The following CREB5 variants were observed in gnomAD, a reference collection of about 807,000 sequenced individuals.
CREB5 encodes the protein cyclic AMP-responsive element-binding protein 5.
A neutral mutation model predicts 57.1 loss-of-function variants in CREB5; 19 were observed. The ratio of observed to expected loss-of-function variants is 0.33; its 90% CI spans 0.23 to 0.49. The LOEUF (loss-of-function observed/expected upper bound fraction) is 0.49, where lower values mean the gene tolerates loss of function less well. Ranked by LOEUF, CREB5 falls within the 20% of genes least tolerant of loss-of-function variation. The pLI, the probability that CREB5 is intolerant of heterozygous loss-of-function variation, is 0.99. For synonymous variants in CREB5, 238 were observed against 238.3 expected (o/e 1.00, Z 0.01); for missense variants, 579 against 671.6 (o/e 0.86, Z 1.52).
At chr7:28,623,884 TGGG>T (rs996890092) in intron 5 of CREB5, among the ~76,000 whole-genome samples, 1 of 152,104 alleles carries the variant, frequency 6.6e-6, no homozygotes, top group African/African-American at 2.4e-5. Flanking sequence ...TTCATAAAGA[TGGG>T]GGGAGATTGT....
chr7:28,697,449 G>C (rs1466941601), intron 5 of CREB5, among the ~76,000 whole-genome samples: 2 of 152,052 alleles, frequency 1.3e-5, no homozygotes, highest in South Asian at 2.1e-4. Flanking sequence ...TTGTGGAAAA[G>C]CCCATTATGG....
At chr7:28,425,802 G>C (rs985445779) in intron 1 of CREB5, among the ~76,000 whole-genome samples, 13 of 152,102 alleles carry the variant, frequency 8.5e-5, no homozygotes, top group Middle Eastern at 3.2e-3. Flanking sequence ...CTCTCTCCTT[G>C]GCAATGGCCT....
In CREB5 at chr7:28,823,209, GTGTT is replaced by G. The variant is rs1012078243; in HGVS notation, c.*3932_*3935del. On this transcript the variant is annotated 3_prime_UTR_variant, in exon 11 of 11. Coordinates refer to ENST00000357727, the MANE Select transcript of CREB5 (RefSeq NM_182898.4). ...ACTAGCCATCCAGTTAGGATAGAAT[GTGTT>G]TCTTTCTGGTTAAAAAAAGGAAAAA... 6.6e-6 allele frequency: 1 copy of G among 152,454 alleles called. No homozygotes were observed. Among genetic ancestry groups the G allele is most frequent in the African/African-American group, 2.4e-5 (1 of 41,360 alleles). The allele number at this position is 152,454 out of a possible 1,614,324, so 9.4% of individuals were successfully genotyped here.
chr7:28,445,564 TTA>T (rs1789402847), intron 1 of CREB5, among the ~76,000 whole-genome samples: 1 of 151,788 alleles, frequency 6.6e-6, no homozygotes, highest in South Asian at 2.1e-4. Context: ...TTTTTTTTTT[TTA>T]TTTGAGACGG....
intron 7 of CREB5, among the ~76,000 whole-genome samples, chr7:28,781,893 A>G (rs1229369549): frequency 6.6e-6 from 1 of 151,756 alleles, no homozygotes; most frequent in African/African-American, 2.4e-5. Context: ...TTTACTAGAG[A>G]TGTTGCTGAA....
At chr7:28,665,601 A>G (rs1799792046) in intron 5 of CREB5, among the ~76,000 whole-genome samples, 1 of 152,244 alleles carries the variant, frequency 6.6e-6, no homozygotes, top group Non-Finnish European at 1.5e-5. Context: ...AAAACAGACA[A>G]GCAAGATTAT....
chr7:28,499,312 C>T (rs1792181489), intron 3 of CREB5, among the ~76,000 whole-genome samples: 1 of 152,026 alleles, frequency 6.6e-6, no homozygotes, highest in South Asian at 2.1e-4. Flanking sequence ...TTTTCTCCAT[C>T]TCCACTGTAA....
intron 4 of CREB5, among the ~76,000 whole-genome samples, chr7:28,563,199 G>A (rs1225182537): frequency 6.6e-6 from 1 of 152,148 alleles, no homozygotes; most frequent in Non-Finnish European, 1.5e-5. Context: ...ATGGGGAGCA[G>A]CCACCAGACT....
intron 1 of CREB5, among the ~76,000 whole-genome samples, chr7:28,366,532 A>G (rs1460487519): frequency 6.6e-6 from 1 of 152,208 alleles, no homozygotes; most frequent in Non-Finnish European, 1.5e-5. Flanking sequence ...TACTGTTTAT[A>G]TACATAAGTA....
At chr7:28,524,352 C>CAT (rs1421708032) in intron 4 of CREB5, among the ~76,000 whole-genome samples, 3 of 145,756 alleles carry the variant, frequency 2.1e-5, no homozygotes, top group Non-Finnish European at 4.6e-5. Context: ...CACACACACA[C>CAT]ACACACACGG....
intron 5 of CREB5, among the ~76,000 whole-genome samples, chr7:28,579,347 G>A (rs1258590946): frequency 3.3e-5 from 5 of 152,192 alleles, no homozygotes. Flanking sequence ...CCATTTGCCA[G>A]GTATGTTGTG....
At chr7:28,595,736 C>T (rs933938585) in intron 5 of CREB5, among the ~76,000 whole-genome samples, 1 of 152,184 alleles carries the variant, frequency 6.6e-6, no homozygotes, top group East Asian at 1.9e-4. Flanking sequence ...TGGCTTATGG[C>T]TCTTCTGGCA....
intron 4 of CREB5, among the ~76,000 whole-genome samples, chr7:28,541,998 T>A (rs769803883): frequency 6.6e-6 from 1 of 152,262 alleles, no homozygotes; most frequent in Non-Finnish European, 1.5e-5. Flanking sequence ...AAGCTATTTA[T>A]AGTTTTGGCT....
intron 1 of CREB5, among the ~76,000 whole-genome samples, chr7:28,325,296 C>A (rs1014102234): frequency 6.6e-6 from 1 of 152,058 alleles, no homozygotes; most frequent in Non-Finnish European, 1.5e-5. Flanking sequence ...TCTACTAAAA[C>A]TACAAAAAAT....
At position 28,551,841 on chromosome 7, in the gene CREB5, C is replaced by CTTTCTTTG. The variant is rs755343423; in HGVS notation, c.292-18521_292-18520insCTTTGTTT. Among the ~76,000 whole-genome samples, 18 of 147,028 alleles carry CTTTCTTTG rather than the reference C, an allele frequency of 1.2e-4. No homozygotes were observed. In the South Asian group the frequency reaches 1.7e-3, roughly 14 times the overall value. Reference sequence around the variant, plus strand: ...ATGATTTTTCTTTCTTTCTTTCTTTCTTTTTCTTTCTTTCTTTTCTTTCTT... The same window carrying CTTTCTTTG: ...ATGATTTTTCTTTCTTTCTTTCTTTCTTTCTTTGTTTTTCTTTCTTTCTTTTCTTTCTT... On this transcript the variant is annotated intron_variant, in intron 4 of 10. Coordinates refer to ENST00000357727, the MANE Select transcript of CREB5 (RefSeq NM_182898.4).
chr7:28,613,417 A>G (rs934518253), intron 5 of CREB5, among the ~76,000 whole-genome samples: 1 of 152,194 alleles, frequency 6.6e-6, no homozygotes, highest in Non-Finnish European at 1.5e-5. Flanking sequence ...GACCTAACAC[A>G]TTGCCACCCG....
chr7:28,560,835 T>C (rs71527539), intron 4 of CREB5, among the ~76,000 whole-genome samples: 735 of 59,782 alleles, frequency 0.012, 191 homozygotes, highest in African/African-American at 0.033. Context: ...CGCGCGCGCG[T>C]GTGTGTGTGC....
intron 5 of CREB5, among the ~76,000 whole-genome samples, chr7:28,701,278 C>T (rs1160977395): frequency 1.3e-5 from 2 of 152,198 alleles, no homozygotes; most frequent in Non-Finnish European, 2.9e-5. Context: ...CCCTTCTCTG[C>T]ACCCTGAACC....
chr7:28,360,098 G>A lies in CREB5; in HGVS notation c.-25+60657G>A, dbSNP rs566236119. 4.6e-5 allele frequency among the ~76,000 whole-genome samples: 7 copies of A among 152,294 alleles called. No individual in the cohort carries two copies. The South Asian group carries it at 8.3e-4, about 18-fold the overall frequency. On this transcript the variant is annotated intron_variant, in intron 1 of 9. Coordinates refer to the CREB5 transcript ENST00000396299. ...ATAAGAGTTGGTGAGAATGTGGAGA[G>A]GGAACAGTTGTGCACTGTTGGTGGG...
Sources: allele counts gnomAD v4.1 joint callset (sites outside exome capture counted in the v4.1 genomes callset), GRCh38; gene constraint gnomAD v4.1.1; transcripts MANE v1.5; gene names NCBI Gene and HGNC (gene_info 2026-07-23, HGNC 2026-07-21).